EIF4E2: variants seen among roughly 807,000 people sequenced by gnomAD.
EIF4E2 encodes the protein eukaryotic translation initiation factor 4E type 2.
A neutral mutation model predicts 34.2 loss-of-function variants in EIF4E2; 13 were observed. The ratio of observed to expected loss-of-function variants is 0.38; its 90% CI spans 0.25 to 0.60. The LOEUF is 0.60. EIF4E2 is among the 20% of genes least tolerant of loss of function. EIF4E2 has a pLI of 0.62. For synonymous variants in EIF4E2, 100 were observed against 106.6 expected (o/e 0.94, Z 0.38); for missense variants, 222 against 315.1 (o/e 0.70, Z 2.24).
At chr2:232,562,319 G>A (rs778422921) in intron 3 of EIF4E2, among the ~76,000 whole-genome samples, 28 of 152,276 alleles carry the variant, frequency 1.8e-4, no homozygotes, top group Non-Finnish European at 3.7e-4. Flanking sequence ...GGTGGCTCAC[G>A]CCTGTAATCA....
At chr2:232,579,521 C>T (rs962908524) in intron 6 of EIF4E2, among the ~76,000 whole-genome samples, 1 of 152,044 alleles carries the variant, frequency 6.6e-6, no homozygotes, top group African/African-American at 2.4e-5. Context: ...TTTGTGTAGT[C>T]GGGGGCTGTT....
At chr2:232,570,615 G>T (rs1190454), downstream of EIF4E2, among the ~76,000 whole-genome samples, 105,697 of 152,034 alleles carry the variant, frequency 0.7, 37,281 homozygotes, top group South Asian at 0.76. Flanking sequence ...GATATGACTT[G>T]GTTTGAGCCA....
Position 232,566,774 on chromosome 2 carries a change from C to CA in EIF4E2, c.376-48dup. 5 of 1,601,324 alleles carry CA rather than the reference C, an allele frequency of 3.1e-6. No individual in the cohort carries two copies. The highest frequency in any genetic ancestry group is 4.3e-6 in the Non-Finnish European group (5 of 1,173,582). Reference sequence around the variant, plus strand: ...TTCTTGGCTTTTTACTGCCTTCATACAAAAAAAGGCTGTGAAACCATATTT... The same window carrying CA: ...TTCTTGGCTTTTTACTGCCTTCATACAAAAAAAAGGCTGTGAAACCATATTT... On this transcript the variant is annotated intron_variant, in intron 4 of 6. Transcript: ENST00000258416. The surrounding 1 kb of genome is among the most constrained non-coding windows in gnomAD (Gnocchi z 4.9).
At chr2:232,565,785 C>T (rs1273285540) in intron 4 of EIF4E2, among the ~76,000 whole-genome samples, 3 of 152,092 alleles carry the variant, frequency 2.0e-5, no homozygotes, top group Non-Finnish European at 4.4e-5. Context: ...TTCTACTGGA[C>T]TGGATCTGAG....
At chr2:232,554,026 C>T (rs749038785) in intron 1 of EIF4E2, 2 of 152,130 alleles carry the variant, frequency 1.3e-5, no homozygotes, top group Non-Finnish European at 2.9e-5. Context: ...GGTTTGCATC[C>T]CAAGGGTGTG....
intron 6 of EIF4E2, among the ~76,000 whole-genome samples, chr2:232,574,725 C>G (rs1434396730): frequency 6.6e-6 from 1 of 152,200 alleles, no homozygotes; most frequent in Non-Finnish European, 1.5e-5. Context: ...CAGGCCCCAA[C>G]ATGAGTTACA....
chr2:232,550,773 C>T, intron 1 of EIF4E2, 29 bp downstream of exon 1: 3 of 1,554,220 alleles, frequency 1.9e-6, no homozygotes, highest in African/African-American at 1.4e-5. Context: ...CCCCCGGGGC[C>T]CCTTCCCCGA....
At chr2:232,550,955 G>C (rs1225155912) in intron 1 of EIF4E2, 1 of 627,874 alleles carries the variant, frequency 1.6e-6, no homozygotes, top group East Asian at 2.7e-5. Context: ...TCCGAACCGA[G>C]GGCGAAGAGC....
At chr2:232,574,137 G>T (rs1026489134), downstream of EIF4E2, 1 of 961,728 alleles carries the variant, frequency 1.0e-6, no homozygotes, top group Non-Finnish European at 1.6e-6. Flanking sequence ...CTGCTCCCAG[G>T]TACCTGTGGC....
chr2:232,564,131 C>G, intron 3 of EIF4E2, 116 bp from the exon 4 acceptor site: 2 of 535,158 alleles, frequency 3.7e-6, no homozygotes, highest in South Asian at 8.2e-5. Context: ...CTGAAAAGGA[C>G]AGCCTGTAGT....
At chr2:232,577,354 T>G (rs1007139709) in intron 6 of EIF4E2, among the ~76,000 whole-genome samples, 1 of 152,150 alleles carries the variant, frequency 6.6e-6, no homozygotes, top group Non-Finnish European at 1.5e-5. Flanking sequence ...GTAGCCTTCC[T>G]CCTTGGATGA....
At chr2:232,560,366 C>A (rs1014868148) in intron 3 of EIF4E2, among the ~76,000 whole-genome samples, 3 of 152,142 alleles carry the variant, frequency 2.0e-5, no homozygotes, top group Admixed American at 2.0e-4. Flanking sequence ...GGATCATAGA[C>A]CTAAATGTAA....
In EIF4E2 at chr2:232,564,257, T is replaced by A. The variant is rs1230584101; in HGVS notation, c.281T>A (p.Phe94Tyr). The A allele has an allele frequency of 6.3e-7, 1 of 1,594,328 alleles. No homozygotes were observed. Among genetic ancestry groups the A allele is most frequent in the African/African-American group, 1.3e-5 (1 of 74,768 alleles). Reference protein sequence around the residue: ...QIGTFASVEQFWRFYSHMVRP... With the variant: ...QIGTFASVEQYWRFYSHMVRP... Reference sequence around the variant, plus strand: ...GTCTTCTCTCTGCAGGTGGAGCAGTTCTGGAGGTTTTATAGCCACATGGTA... The same window carrying A: ...GTCTTCTCTCTGCAGGTGGAGCAGTACTGGAGGTTTTATAGCCACATGGTA... Residue 94 changes from phenylalanine (F) to tyrosine (Y), a missense_variant, in exon 4 of 7, where the codon TTC becomes TAC. Physicochemically the swap from Phe to Tyr is conservative, Grantham distance 22. Transcript: ENST00000258416.
chr2:232,558,191 A>G (rs1433140853), intron 3 of EIF4E2, 173 bp downstream of exon 3: 1 of 700,764 alleles, frequency 1.4e-6, no homozygotes, highest in Non-Finnish European at 2.2e-6. Flanking sequence ...CTAGATATCC[A>G]TGGTTAGCAT....
At chr2:232,573,543 G>A (rs541250098), downstream of EIF4E2, among the ~76,000 whole-genome samples, 6 of 152,198 alleles carry the variant, frequency 3.9e-5, no homozygotes, top group South Asian at 2.1e-4. Flanking sequence ...CTCTGTAAGC[G>A]AAAGGCCACG....
At chr2:232,558,542 C>T (rs1369656714) in intron 3 of EIF4E2, 2 of 151,926 alleles carry the variant, frequency 1.3e-5, no homozygotes, top group African/African-American at 4.8e-5. Flanking sequence ...GCCTTGGCCT[C>T]CCAAAAGGCT....
intron 6 of EIF4E2, among the ~76,000 whole-genome samples, chr2:232,575,137 A>G (rs1693179904): frequency 7.0e-6 from 1 of 142,600 alleles, no homozygotes; most frequent in African/African-American, 2.6e-5. Context: ...GAAATAGAGT[A>G]GTTGTAAAAT....
chr2:232,573,598 A>T (rs1158776655), downstream of EIF4E2: 2 of 160,718 alleles, frequency 1.2e-5, no homozygotes, highest in African/African-American at 4.8e-5. Flanking sequence ...CCCTAATTTC[A>T]TAGTTAAGCT....
exon 7 of EIF4E2, chr2:232,583,576 G>A (rs887531622): frequency 3.3e-5 from 5 of 152,170 alleles, no homozygotes; most frequent in Non-Finnish European, 7.3e-5. Flanking sequence ...GCTATGACAA[G>A]AGTGATTTAG....
Sources: gnomAD v4.1 joint callset for allele counts (sites outside exome capture counted in the v4.1 genomes callset) on GRCh38, gnomAD v4.1.1 for gene constraint, Gnocchi (gnomAD v3.1) non-coding constraint, MANE v1.5 for transcripts, NCBI Gene and HGNC (gene_info 2026-07-23, HGNC 2026-07-21) for gene names.